The following BNC2 variants were observed in gnomAD, a reference collection of about 807,000 sequenced individuals.
BNC2 encodes zinc finger protein basonuclin-2.
Under a neutral mutation model 76.3 loss-of-function variants are expected in BNC2, and 20 were observed. The observed-to-expected ratio is 0.26, with a 90% CI of 0.18 to 0.38. The LOEUF is 0.38. Ranked by LOEUF, BNC2 falls within the 10% of genes least tolerant of loss-of-function variation. The probability of loss-of-function intolerance (pLI) is 1.00; values close to 1 mark genes in which losing one functional copy is unlikely to be tolerated. For synonymous variants in BNC2, 582 were observed against 514.8 expected (o/e 1.13, Z -1.77); for missense variants, 1,382 against 1,399.8 (o/e 0.99, Z 0.20).
chr9:16,838,190 A>C lies in BNC2; in HGVS notation c.3+32456T>G, dbSNP rs1440903434. 2.6e-5 allele frequency among the ~76,000 whole-genome samples: 4 copies of C among 152,234 alleles called. No homozygotes were observed. In the East Asian group the frequency reaches 5.8e-4, roughly 22 times the overall value. ...ACCTACCACATATTTTTAACCAAAA[A>C]TGTTTCTTTGGAATTTTTTTCCATG... is the stretch of plus-strand genomic sequence containing the variant. On this transcript the variant is annotated intron_variant, in intron 1 of 6. Coordinates refer to ENST00000380672, the MANE Select transcript of BNC2 (RefSeq NM_017637.6).
intron 5 of BNC2, among the ~76,000 whole-genome samples, chr9:16,490,203 C>T (rs1333736501): frequency 6.6e-6 from 1 of 152,170 alleles, no homozygotes; most frequent in African/African-American, 2.4e-5. Context: ...ATTGGACTTA[C>T]AGTTCCACAT....
At chr9:16,506,666 C>T (rs1563815092) in intron 5 of BNC2, among the ~76,000 whole-genome samples, 1 of 151,736 alleles carries the variant, frequency 6.6e-6, no homozygotes, top group Admixed American at 6.6e-5. Flanking sequence ...GCTGGGATTA[C>T]AGTCACCCGC....
Position 16,508,207 on chromosome 9 carries a change from C to T in BNC2, c.669+44323G>A, listed in dbSNP as rs1351105360. Among the ~76,000 whole-genome samples the T allele has an allele frequency of 2.0e-5, 3 of 152,178 alleles. No homozygotes were observed. In the South Asian group the frequency reaches 6.2e-4, roughly 31 times the overall value. On this transcript the variant is annotated intron_variant, in intron 5 of 6. Coordinates refer to ENST00000380672, the MANE Select transcript of BNC2 (RefSeq NM_017637.6). ...AAATTTTAAGATTCTGCTATAAACC[C>T]TAAAAGGAGACTTACTTATTCTGCT...
At chr9:16,667,274 C>G (rs1334768312) in intron 3 of BNC2, among the ~76,000 whole-genome samples, 2 of 152,156 alleles carry the variant, frequency 1.3e-5, no homozygotes, top group Non-Finnish European at 2.9e-5. Context: ...ATTTGGAGTG[C>G]TGTCTATGTT....
intron 3 of BNC2, among the ~76,000 whole-genome samples, chr9:16,655,629 G>A (rs1466753206): frequency 2.0e-5 from 3 of 152,140 alleles, no homozygotes; most frequent in Admixed American, 6.5e-5. Flanking sequence ...TTAAAAAATC[G>A]AGTCTCTTTT....
chr9:16,462,034 C>G (rs1821593822), intron 5 of BNC2, among the ~76,000 whole-genome samples: 1 of 152,146 alleles, frequency 6.6e-6, no homozygotes. Context: ...CAAGATGAAT[C>G]CAGAGCCGCC....
intron 3 of BNC2, among the ~76,000 whole-genome samples, chr9:16,677,766 A>T (rs1189147013): frequency 2.0e-5 from 3 of 152,166 alleles, no homozygotes; most frequent in Non-Finnish European, 4.4e-5. Flanking sequence ...GCTTTCACTA[A>T]TAACAATTTC....
chr9:16,792,798 A>G (rs1481721974), intron 1 of BNC2, among the ~76,000 whole-genome samples: 1 of 152,230 alleles, frequency 6.6e-6, no homozygotes, highest in Non-Finnish European at 1.5e-5. Context: ...AGTAACACTG[A>G]CCCTGAAAGT....
At chr9:16,817,540 A>T (rs1470211953) in intron 1 of BNC2, among the ~76,000 whole-genome samples, 1 of 152,196 alleles carries the variant, frequency 6.6e-6, no homozygotes, top group Non-Finnish European at 1.5e-5. Context: ...AAAATAAAAA[A>T]GGTGAAGAGG....
chr9:16,797,455 T>C (rs1040328664), intron 1 of BNC2, among the ~76,000 whole-genome samples: 4 of 152,102 alleles, frequency 2.6e-5, no homozygotes, highest in African/African-American at 7.2e-5. Flanking sequence ...TGCCAGTGAA[T>C]CTCATTATGA....
At chr9:16,546,601 T>C (rs191751089) in intron 5 of BNC2, among the ~76,000 whole-genome samples, 39 of 152,180 alleles carry the variant, frequency 2.6e-4, no homozygotes, top group African/African-American at 8.4e-4. Context: ...TGAGAGCGAA[T>C]AGAAGTAAAG....
At chr9:16,654,378 G>GT (rs1205633308) in intron 3 of BNC2, among the ~76,000 whole-genome samples, 16 of 152,260 alleles carry the variant, frequency 1.1e-4, no homozygotes, top group East Asian at 3.9e-4. Flanking sequence ...TAAAATGTAC[G>GT]TAAGTTGTGC....
In BNC2 at chr9:16,514,302, C is replaced by G. The variant is rs146661526; in HGVS notation, c.669+38228G>C. Among the ~76,000 whole-genome samples, 117 of 152,322 alleles carry G rather than the reference C, an allele frequency of 7.7e-4. 1 individual carries two copies. In the East Asian group the frequency reaches 0.021, roughly 27 times the overall value. On this transcript the variant is annotated intron_variant, in intron 5 of 6. Coordinates refer to ENST00000380672, the MANE Select transcript of BNC2 (RefSeq NM_017637.6). ...TCCTTCTGTGCAAAGAATAAATGTA[C>G]TCTCTACCATTCAAAGAGGATAGCT...
chr9:16,693,294 A>G (rs963977959), intron 3 of BNC2, among the ~76,000 whole-genome samples: 1 of 152,182 alleles, frequency 6.6e-6, no homozygotes, highest in African/African-American at 2.4e-5. Context: ...ATTAAAAAGT[A>G]AAGAGTTTCC....
intron 1 of BNC2, among the ~76,000 whole-genome samples, chr9:16,768,616 G>A (rs1357927719): frequency 6.6e-6 from 1 of 151,742 alleles, no homozygotes; most frequent in Non-Finnish European, 1.5e-5. Flanking sequence ...AGAATGAGGG[G>A]GGTGGAATCC....
At chr9:16,478,885 A>G (rs1208249374) in intron 5 of BNC2, among the ~76,000 whole-genome samples, 1 of 152,240 alleles carries the variant, frequency 6.6e-6, no homozygotes, top group Non-Finnish European at 1.5e-5. Flanking sequence ...CATGACCCTG[A>G]TATTAAACAG....
intron 1 of BNC2, among the ~76,000 whole-genome samples, chr9:16,854,941 C>A (rs1322452544): frequency 6.6e-6 from 1 of 151,800 alleles, no homozygotes; most frequent in African/African-American, 2.4e-5. Context: ...AGGAGAAGAC[C>A]CTCAGGCCCC....
intron 1 of BNC2, among the ~76,000 whole-genome samples, chr9:16,790,848 T>C (rs1243930596): frequency 6.7e-6 from 1 of 149,092 alleles, no homozygotes; most frequent in Non-Finnish European, 1.5e-5. Flanking sequence ...AGAATGCTGT[T>C]TACAATTAGC....
chr9:16,543,766 C>T (rs1818393233), intron 5 of BNC2, among the ~76,000 whole-genome samples: 1 of 152,162 alleles, frequency 6.6e-6, no homozygotes, highest in Non-Finnish European at 1.5e-5. Context: ...TCCAGCTTTG[C>T]CTCTGCCTGA....
Sources: allele counts gnomAD v4.1 joint callset (sites outside exome capture counted in the v4.1 genomes callset), GRCh38; gene constraint gnomAD v4.1.1; transcripts MANE v1.5; gene names NCBI Gene and HGNC (gene_info 2026-07-23, HGNC 2026-07-21).